The following FSTL5 variants were observed in gnomAD, a reference collection of about 807,000 sequenced individuals.
FSTL5 encodes follistatin like 5.
A neutral mutation model predicts 89.1 loss-of-function variants in FSTL5; 62 were observed. The ratio of observed to expected loss-of-function variants is 0.70; its 90% CI spans 0.57 to 0.86. The LOEUF is 0.86. FSTL5 is among the 40% of genes least tolerant of loss of function. The pLI, the probability that FSTL5 is intolerant of heterozygous loss-of-function variation, is 0.00. For missense variants in FSTL5, 1,057 were observed against 1,001.6 expected, an observed-to-expected ratio of 1.06 and a Z score of -0.75; for synonymous variants, 383 against 346.2, an observed-to-expected ratio of 1.11 and a Z score of -1.18.
At chr4:161,709,473 A>G (rs1307112626) in intron 6 of FSTL5, among the ~76,000 whole-genome samples, 1 of 152,190 alleles carries the variant, frequency 6.6e-6, no homozygotes, top group Admixed American at 6.6e-5. Flanking sequence ...ATTCCCAAAT[A>G]GATATGATTG....
intron 8 of FSTL5, among the ~76,000 whole-genome samples, chr4:161,572,399 C>G (rs192798618): frequency 2.6e-3 from 380 of 146,002 alleles, no homozygotes; most frequent in Non-Finnish European, 4.0e-3. Flanking sequence ...TGACCCCTGA[C>G]AAGTGGCAAA....
chr4:162,153,011 A>G (rs1733291608), intron 1 of FSTL5, among the ~76,000 whole-genome samples: 1 of 152,162 alleles, frequency 6.6e-6, no homozygotes. Flanking sequence ...ACAATTTGTC[A>G]TTTAAAACTG....
chr4:161,645,651 G>C (rs957697799), intron 7 of FSTL5, among the ~76,000 whole-genome samples: 1 of 151,928 alleles, frequency 6.6e-6, no homozygotes, highest in South Asian at 2.1e-4. Flanking sequence ...GAACCTACAC[G>C]ACCTGCGTTA....
At chr4:161,625,312 C>T (rs948392459) in intron 7 of FSTL5, among the ~76,000 whole-genome samples, 2 of 152,066 alleles carry the variant, frequency 1.3e-5, no homozygotes, top group African/African-American at 2.4e-5. Flanking sequence ...ATTTTTCCTA[C>T]AGTATGTGCT....
rs1189894892 is a variant in FSTL5 at position 161,457,538 on chromosome 4, G to A, written c.1716+1674C>T. On this transcript the variant is annotated intron_variant, in intron 14 of 15. Coordinates refer to ENST00000306100, the MANE Select transcript of FSTL5 (RefSeq NM_020116.5). The stretch of plus-strand genomic sequence containing the variant: ...AACTATTTTGTGGTGGAATTGCAAC[G>A]CTGGGAAAGTTGTTAATCTATCCAA... 2.0e-5 allele frequency among the ~76,000 whole-genome samples: 3 copies of A among 152,140 alleles called. No individual in the cohort carries two copies. The South Asian group carries it at 6.2e-4, about 31-fold the overall frequency.
At chr4:161,817,695 T>G (rs1579113921) in intron 4 of FSTL5, among the ~76,000 whole-genome samples, 1 of 152,342 alleles carries the variant, frequency 6.6e-6, no homozygotes, top group East Asian at 1.9e-4. Flanking sequence ...ACCTGAGAAT[T>G]TATTTTGAAG....
intron 3 of FSTL5, among the ~76,000 whole-genome samples, chr4:161,921,697 C>A (rs1158987408): frequency 6.6e-6 from 1 of 151,990 alleles, no homozygotes; most frequent in Non-Finnish European, 1.5e-5. Flanking sequence ...ATAACAGCAT[C>A]ATAATAATTA....
chr4:162,157,864 G>T (rs1733541873), intron 1 of FSTL5, among the ~76,000 whole-genome samples: 1 of 151,972 alleles, frequency 6.6e-6, no homozygotes, highest in African/African-American at 2.4e-5. Context: ...CTCTTTCTCA[G>T]TCACCCTAAA....
chr4:162,025,145 T>C (rs1238380121), intron 3 of FSTL5, among the ~76,000 whole-genome samples: 1 of 152,044 alleles, frequency 6.6e-6, no homozygotes, highest in Non-Finnish European at 1.5e-5. Flanking sequence ...AGTCTAAAAA[T>C]AAATATGACA....
At chr4:161,984,192 C>A (rs183136003) in intron 3 of FSTL5, among the ~76,000 whole-genome samples, 23 of 152,048 alleles carry the variant, frequency 1.5e-4, no homozygotes, top group Admixed American at 2.6e-4. Context: ...ATATGGGTTT[C>A]TCTATACTTT....
chr4:161,591,160 C>G (rs745731972), intron 7 of FSTL5, among the ~76,000 whole-genome samples: 1 of 152,122 alleles, frequency 6.6e-6, no homozygotes, highest in South Asian at 2.1e-4. Context: ...GCCTTAGGGC[C>G]TTTGCATGAA....
intron 4 of FSTL5, among the ~76,000 whole-genome samples, chr4:161,864,525 A>T (rs952385953): frequency 6.6e-6 from 1 of 152,188 alleles, no homozygotes; most frequent in Non-Finnish European, 1.5e-5. Context: ...GCCAAGCTAA[A>T]TGTAGTGGGA....
At chr4:161,506,945 A>G (rs903039203) in intron 11 of FSTL5, among the ~76,000 whole-genome samples, 17 of 152,182 alleles carry the variant, frequency 1.1e-4, no homozygotes, top group African/African-American at 4.1e-4. Flanking sequence ...AGAAAGAATA[A>G]AAAAGGCAAT....
chr4:161,586,580 T>C (rs572687392), intron 8 of FSTL5, among the ~76,000 whole-genome samples: 37 of 152,320 alleles, frequency 2.4e-4, no homozygotes, highest in African/African-American at 8.9e-4. Flanking sequence ...TACCACTATC[T>C]CTTACTTGGA....
chr4:161,992,859 AAAATATATATATATATAT>A lies in FSTL5; in HGVS notation c.160+40748_160+40765del, dbSNP rs1307120205. 9.5e-4 allele frequency among the ~76,000 whole-genome samples: 14 copies of A among 14,800 alleles called. 1 individual carries two copies. Among genetic ancestry groups the A allele is most frequent in the African/African-American group, 3.3e-3 (14 of 4,184 alleles). 9.7% of individuals were successfully genotyped at this position (14,800 alleles called of 152,430 possible). ...TGAAACTCCATCTCAAAAAAAAAAA[AAAATATATATATATATAT>A]ATATATATATATATATATATGTGTG... On this transcript the variant is annotated intron_variant, in intron 3 of 15. Coordinates refer to ENST00000306100, the MANE Select transcript of FSTL5 (RefSeq NM_020116.5).
intron 12 of FSTL5, among the ~76,000 whole-genome samples, chr4:161,497,197 T>C (rs1162849493): frequency 6.6e-6 from 1 of 152,154 alleles, no homozygotes; most frequent in Non-Finnish European, 1.5e-5. Flanking sequence ...AGTATTTGTG[T>C]ATATATATTC....
At chr4:161,798,723 T>G (rs1729707112) in intron 4 of FSTL5, among the ~76,000 whole-genome samples, 1 of 151,714 alleles carries the variant, frequency 6.6e-6, no homozygotes, top group Non-Finnish European at 1.5e-5. Context: ...AATCTGGTGA[T>G]AGGACCCATT....
At chr4:161,635,926 T>C (rs1043805955) in intron 7 of FSTL5, among the ~76,000 whole-genome samples, 1 of 152,184 alleles carries the variant, frequency 6.6e-6, no homozygotes, top group Non-Finnish European at 1.5e-5. Context: ...AATACAACTT[T>C]GATTTCACAT....
chr4:161,622,311 A>G (rs925054171), intron 7 of FSTL5, among the ~76,000 whole-genome samples: 5 of 152,118 alleles, frequency 3.3e-5, no homozygotes, highest in Non-Finnish European at 7.4e-5. Flanking sequence ...TTAAGAAATT[A>G]ATTCATACCA....
Sources: allele counts gnomAD v4.1 joint callset (sites outside exome capture counted in the v4.1 genomes callset), GRCh38; gene constraint gnomAD v4.1.1; transcripts MANE v1.5; gene names NCBI Gene and HGNC (gene_info 2026-07-23, HGNC 2026-07-21).